EXT1: variants seen among roughly 807,000 people sequenced by gnomAD.
The protein encoded by EXT1 is exostosin glycosyltransferase 1.
In EXT1, 20 loss-of-function variants were observed where a neutral mutation model predicts 82.5. The ratio of observed to expected loss-of-function variants is 0.24; its 90% CI spans 0.17 to 0.35. The LOEUF (loss-of-function observed/expected upper bound fraction) is 0.35. Ranked by LOEUF, EXT1 falls within the 10% of genes least tolerant of loss-of-function variation. The pLI is 1.00. For missense variants in EXT1, 757 were observed against 936.5 expected (o/e 0.81, Z 2.50); for synonymous variants, 348 against 350.8 (o/e 0.99, Z 0.09).
intron 1 of EXT1, among the ~76,000 whole-genome samples, chr8:117,962,558 C>A (rs1814721774): frequency 6.6e-6 from 1 of 152,140 alleles, no homozygotes; most frequent in Non-Finnish European, 1.5e-5. Flanking sequence ...TCGAGACCAG[C>A]CTGGCCAACA....
At chr8:117,846,758 T>C (rs922422421) in intron 1 of EXT1, among the ~76,000 whole-genome samples, 2 of 152,090 alleles carry the variant, frequency 1.3e-5, no homozygotes, top group African/African-American at 4.8e-5. Context: ...CCAGGAAGTA[T>C]GGACAGCAGC....
Position 117,835,913 on chromosome 8 carries a change from T to C in EXT1, c.1057-362A>G, listed in dbSNP as rs1009565079. Reference sequence around the variant, plus strand: ...ATCTGAGTATAGAACCAACCTTGAATATAAACAGTCTGGTCAACGTAACTC... The same window carrying C: ...ATCTGAGTATAGAACCAACCTTGAACATAAACAGTCTGGTCAACGTAACTC... On this transcript the variant is annotated intron_variant, in intron 2 of 10. Coordinates refer to ENST00000378204, the MANE Select transcript of EXT1 (RefSeq NM_000127.3). Among the ~76,000 whole-genome samples, 7 of 152,146 alleles carry C rather than the reference T, an allele frequency of 4.6e-5. No individual in the cohort carries two copies. In the South Asian group the frequency reaches 1.2e-3, roughly 27 times the overall value.
intron 1 of EXT1, among the ~76,000 whole-genome samples, chr8:118,058,443 G>C (rs1816829855): frequency 6.6e-6 from 1 of 152,130 alleles, no homozygotes; most frequent in Admixed American, 6.6e-5. Flanking sequence ...GCAATAGGCA[G>C]ACGAGTTAAG....
intron 1 of EXT1, among the ~76,000 whole-genome samples, chr8:117,976,309 C>T (rs1277657626): frequency 6.6e-6 from 1 of 152,184 alleles, no homozygotes; most frequent in East Asian, 1.9e-4. Context: ...CATCAAAATA[C>T]ATACATATGA....
intron 1 of EXT1, among the ~76,000 whole-genome samples, chr8:117,962,091 A>C (rs1234996317): frequency 6.6e-6 from 1 of 150,864 alleles, no homozygotes; most frequent in African/African-American, 2.5e-5. Context: ...AAACAATGCC[A>C]CCTCAGTAGG....
chr8:117,881,537 A>G (rs1324184975), intron 1 of EXT1, among the ~76,000 whole-genome samples: 1 of 152,212 alleles, frequency 6.6e-6, no homozygotes, highest in Non-Finnish European at 1.5e-5. Flanking sequence ...TGACACAGAA[A>G]TTAGGCAACT....
intron 1 of EXT1, among the ~76,000 whole-genome samples, chr8:117,915,788 G>A (rs1010173244): frequency 8.5e-5 from 13 of 152,118 alleles, no homozygotes; most frequent in Admixed American, 7.2e-4. Flanking sequence ...CCCAAGAGGC[G>A]GAGGTTACAG....
At chr8:117,863,201 T>C (rs1812715028) in intron 1 of EXT1, among the ~76,000 whole-genome samples, 1 of 141,334 alleles carries the variant, frequency 7.1e-6, no homozygotes, top group Non-Finnish European at 1.6e-5. Flanking sequence ...GCAAGTACTA[T>C]TAGTATCATC....
At chr8:117,814,567 ACT>A (rs767287767) in intron 7 of EXT1, among the ~76,000 whole-genome samples, 9 of 151,980 alleles carry the variant, frequency 5.9e-5, no homozygotes, top group Non-Finnish European at 8.8e-5. Context: ...AGATGGTGTG[ACT>A]CTATAGAGCA....
chr8:117,911,989 A>C (rs1016782563), intron 1 of EXT1, among the ~76,000 whole-genome samples: 3 of 152,218 alleles, frequency 2.0e-5, no homozygotes, highest in Non-Finnish European at 4.4e-5. Flanking sequence ...GCACAAAAAG[A>C]GGGAGAAAAG....
intron 1 of EXT1, among the ~76,000 whole-genome samples, chr8:117,858,844 G>GGAAAGAAAGAAAGAAAGAAAGAAA (rs1181366390): frequency 1.2e-5 from 1 of 85,342 alleles, no homozygotes; most frequent in East Asian, 3.4e-4. Context: ...AAGGAAGGAA[G>GGAAAGAAAGAAAGAAAGAAAGAAA]GAAAGAAAGA....
At chr8:118,103,905 ATAAAG>A (rs1374940604) in intron 1 of EXT1, among the ~76,000 whole-genome samples, 3 of 152,258 alleles carry the variant, frequency 2.0e-5, no homozygotes, top group African/African-American at 7.2e-5. Flanking sequence ...AAACATGTTC[ATAAAG>A]TAAAGCAATG....
In EXT1 at chr8:117,896,865, G is replaced by T. The variant is rs28357270; in HGVS notation, c.963-59664C>A. The stretch of plus-strand genomic sequence containing the variant: ...TCTAAATTCAGTGCCCCTCAATGAA[G>T]GGTTCAGGTTCACAGGTTCTAGCCC... On this transcript the variant is annotated intron_variant, in intron 1 of 10. Coordinates refer to ENST00000378204, the MANE Select transcript of EXT1 (RefSeq NM_000127.3). 2.3e-3 allele frequency among the ~76,000 whole-genome samples: 350 copies of T among 152,240 alleles called. 13 individuals are homozygous for T. In the East Asian group the frequency reaches 0.063, roughly 27 times the overall value.
At chr8:118,063,384 T>C (rs930308851) in intron 1 of EXT1, among the ~76,000 whole-genome samples, 5 of 152,226 alleles carry the variant, frequency 3.3e-5, no homozygotes, top group Admixed American at 1.3e-4. Flanking sequence ...GCAGTGTTCA[T>C]TGAAAGCAGC....
At chr8:118,087,912 C>T (rs1021708143) in intron 1 of EXT1, among the ~76,000 whole-genome samples, 56 of 143,670 alleles carry the variant, frequency 3.9e-4, no homozygotes, top group African/African-American at 1.3e-3. Flanking sequence ...AAATACCAGA[C>T]GCCTATTTGT....
chr8:117,893,692 A>G (rs1813287452), intron 1 of EXT1, among the ~76,000 whole-genome samples: 1 of 152,172 alleles, frequency 6.6e-6, no homozygotes, highest in African/African-American at 2.4e-5. Flanking sequence ...GCTTTGAGCA[A>G]GTGAAACGCT....
intron 1 of EXT1, among the ~76,000 whole-genome samples, chr8:118,012,878 C>G (rs954154330): frequency 2.0e-4 from 30 of 152,142 alleles, no homozygotes; most frequent in Non-Finnish European, 3.8e-4. Context: ...AAAATAAAAG[C>G]CTTTTCCTAA....
At chr8:117,928,766 TA>T (rs368503461) in intron 1 of EXT1, among the ~76,000 whole-genome samples, 3,360 of 144,738 alleles carry the variant, frequency 0.023, 45 homozygotes, top group Middle Eastern at 0.05. Flanking sequence ...CAGTCAATAT[TA>T]AAAAAAAAAA....
At chr8:117,940,986 C>G (rs1299984907) in intron 1 of EXT1, among the ~76,000 whole-genome samples, 2 of 152,120 alleles carry the variant, frequency 1.3e-5, no homozygotes, top group African/African-American at 2.4e-5. Context: ...GCTACAGATT[C>G]CCCAGGGGTT....
Sources: gnomAD v4.1 joint callset for allele counts (sites outside exome capture counted in the v4.1 genomes callset) on GRCh38, gnomAD v4.1.1 for gene constraint, MANE v1.5 for transcripts, NCBI Gene and HGNC (gene_info 2026-07-23, HGNC 2026-07-21) for gene names.